Variants in ZNF536 observed in about 807,000 individuals in gnomAD.
The protein encoded by ZNF536 is zinc finger protein 536.
Under a neutral mutation model 84.5 loss-of-function variants are expected in ZNF536, and 13 were observed. The observed-to-expected ratio is 0.15, with a 90% CI of 0.10 to 0.24. The LOEUF (loss-of-function observed/expected upper bound fraction) is 0.24, where lower values mean the gene tolerates loss of function less well. ZNF536 is among the 10% of genes least tolerant of loss of function. The pLI, the probability that ZNF536 is intolerant of heterozygous loss-of-function variation, is 1.00. For missense variants in ZNF536, 1,536 were observed against 1,747.5 expected (o/e 0.88, Z 2.16); for synonymous variants, 811 against 742.5 (o/e 1.09, Z -1.50).
At chr19:30,430,014 T>G (rs1600696835) in intron 1 of ZNF536, among the ~76,000 whole-genome samples, 12 of 118,504 alleles carry the variant, frequency 1.0e-4, no homozygotes, top group African/African-American at 1.7e-4. Flanking sequence ...TGAGACAGAG[T>G]GGGGTTAGCT....
chr19:30,682,305 G>C (rs2051006676), intron 1 of ZNF536, among the ~76,000 whole-genome samples: 1 of 152,148 alleles, frequency 6.6e-6, no homozygotes, highest in South Asian at 2.1e-4. Context: ...GCGAGGATGT[G>C]TTTCCCCAAG....
At position 30,473,081 on chromosome 19, in the gene ZNF536, CTAT is replaced by C. The variant is rs1414812429; in HGVS notation, c.2170+27350_2170+27352del. On this transcript the variant is annotated intron_variant, in intron 2 of 4. Coordinates refer to ENST00000355537, the MANE Select transcript of ZNF536 (RefSeq NM_014717.3). ...ATTAGCCGGGCGTGGTGGCACACAC[CTAT>C]AGTTCCTGCTACTTGGGAGGCTAAG... Among the ~76,000 whole-genome samples, 6 of 151,648 alleles carry C rather than the reference CTAT, an allele frequency of 4.0e-5. No homozygotes were observed. The South Asian group carries it at 1.3e-3, about 32-fold the overall frequency.
At chr19:30,479,457 G>T (rs535550853) in intron 2 of ZNF536, among the ~76,000 whole-genome samples, 1 of 152,334 alleles carries the variant, frequency 6.6e-6, no homozygotes, top group East Asian at 1.9e-4. Flanking sequence ...AACGACCCTA[G>T]GTCGTGGAAG....
At chr19:30,326,791 CTTTTTT>C (rs869076590) in intron 2 of ZNF536, among the ~76,000 whole-genome samples, 26 of 51,974 alleles carry the variant, frequency 5.0e-4, no homozygotes, top group African/African-American at 1.5e-3. Context: ...TTATAAAAAG[CTTTTTT>C]TTTTTTTTTT....
intron 1 of ZNF536, among the ~76,000 whole-genome samples, chr19:30,627,320 T>C (rs1259261486): frequency 6.6e-6 from 1 of 150,940 alleles, no homozygotes; most frequent in Non-Finnish European, 1.5e-5. Flanking sequence ...AATAAGAAAA[T>C]AGTCAGGTGG....
chr19:30,422,093 T>A (rs796923439), intron 1 of ZNF536, among the ~76,000 whole-genome samples: 33 of 152,262 alleles, frequency 2.2e-4, no homozygotes, highest in African/African-American at 6.0e-4. Flanking sequence ...GCAAAAAGCA[T>A]CAGGAAGGTG....
At position 30,402,796 on chromosome 19, in the gene ZNF536, A is replaced by ATATATATATATATATATATATATATAT. The variant is rs1555744993; in HGVS notation, c.-3+30240_-3+30241insTATATATATATATATATATATATATAT. Among the ~76,000 whole-genome samples, 22 of 85,592 alleles carry ATATATATATATATATATATATATATAT rather than the reference A, an allele frequency of 2.6e-4. 4 individuals carry two copies. The highest frequency in any genetic ancestry group is 4.7e-4 in the Non-Finnish European group (20 of 42,262). 56.2% of individuals were successfully genotyped at this position (85,592 alleles called of 152,430 possible). A position where few individuals can be genotyped will look rare whatever the true frequency, so the allele number is the denominator to read the frequency against. On this transcript the variant is annotated intron_variant, in intron 1 of 4. Transcript: ENST00000355537. ...TTTTAAACATTTTTTAAAATTAAAA[A>ATATATATATATATATATATATATATAT]ATATATATATATATATATATATATA... is the stretch of plus-strand genomic sequence containing the variant.
At chr19:30,367,291 A>G (rs1329990001) in intron 3 of ZNF536, among the ~76,000 whole-genome samples, 1 of 152,176 alleles carries the variant, frequency 6.6e-6, no homozygotes, top group Non-Finnish European at 1.5e-5. Context: ...CTAATATTTC[A>G]TTTTAATCTT....
chr19:30,563,058 T>A (rs1024973078), downstream of ZNF536, among the ~76,000 whole-genome samples: 1 of 152,214 alleles, frequency 6.6e-6, no homozygotes, highest in Non-Finnish European at 1.5e-5. Flanking sequence ...TTGGAGGTTG[T>A]CGAGTCACCC....
At chr19:30,367,441 A>G (rs892710339), upstream of ZNF536, among the ~76,000 whole-genome samples, 2 of 152,214 alleles carry the variant, frequency 1.3e-5, no homozygotes, top group Admixed American at 1.3e-4. Context: ...ATTGAGGTGG[A>G]TGGACTGGGT....
intron 1 of ZNF536, among the ~76,000 whole-genome samples, chr19:30,600,146 G>A (rs1040189268): frequency 1.3e-5 from 2 of 150,902 alleles, no homozygotes; most frequent in Non-Finnish European, 2.9e-5. Flanking sequence ...AGGCTGGACT[G>A]CATTGGCTTG....
downstream of ZNF536, among the ~76,000 whole-genome samples, chr19:30,562,894 T>C (rs2046222881): frequency 6.6e-6 from 1 of 152,204 alleles, no homozygotes; most frequent in Non-Finnish European, 1.5e-5. Flanking sequence ...CGGGGTAGTT[T>C]GGAACAGTAT....
chr19:30,293,432 G>T (rs907393981), intron 2 of ZNF536, among the ~76,000 whole-genome samples: 3 of 152,194 alleles, frequency 2.0e-5, no homozygotes, highest in Non-Finnish European at 4.4e-5. Flanking sequence ...GGGGATGTTG[G>T]GGGCTGCAGG....
chr19:30,490,864 G>A (rs1365091473), intron 2 of ZNF536, among the ~76,000 whole-genome samples: 1 of 152,182 alleles, frequency 6.6e-6, no homozygotes, highest in African/African-American at 2.4e-5. Context: ...GTTATAATGA[G>A]GACTTTGTTT....
intron 1 of ZNF536, among the ~76,000 whole-genome samples, chr19:30,655,160 A>G (rs763884777): frequency 5.9e-5 from 9 of 152,182 alleles, no homozygotes; most frequent in Non-Finnish European, 7.3e-5. Context: ...TAAATCTCAC[A>G]TGAGTTAAAA....
At chr19:30,588,959 A>G (rs1315538779) in intron 1 of ZNF536, among the ~76,000 whole-genome samples, 1 of 152,216 alleles carries the variant, frequency 6.6e-6, no homozygotes, top group African/African-American at 2.4e-5. Context: ...TGTTTTGGAA[A>G]CATTGGGATG....
intron 1 of ZNF536, among the ~76,000 whole-genome samples, chr19:30,670,380 C>G (rs1218713021): frequency 6.6e-6 from 1 of 152,198 alleles, no homozygotes; most frequent in African/African-American, 2.4e-5. Context: ...GGGTGTTCTG[C>G]CTGTGAAATC....
intron 1 of ZNF536, among the ~76,000 whole-genome samples, chr19:30,670,990 C>T (rs2050530065): frequency 6.6e-6 from 1 of 152,198 alleles, no homozygotes; most frequent in South Asian, 2.1e-4. Flanking sequence ...CCTCAGGCTT[C>T]CCCTGAGACT....
chr19:30,424,700 C>G (rs998034787), intron 1 of ZNF536, among the ~76,000 whole-genome samples: 2 of 152,182 alleles, frequency 1.3e-5, no homozygotes, highest in African/African-American at 4.8e-5. Context: ...TTCCGGAAGA[C>G]TCTGGAACAT....
Sources: gnomAD v4.1 joint callset for allele counts (sites outside exome capture counted in the v4.1 genomes callset) on GRCh38, gnomAD v4.1.1 for gene constraint, MANE v1.5 for transcripts, NCBI Gene and HGNC (gene_info 2026-07-23, HGNC 2026-07-21) for gene names.